Variants in ZNF25 observed in about 807,000 individuals in gnomAD.
The protein encoded by ZNF25 is zinc finger protein 25 (KOX 19).
A neutral mutation model predicts 30.9 loss-of-function variants in ZNF25; 21 were observed. That is an observed-to-expected ratio of 0.68 (90% CI 0.48 to 0.98). ZNF25 has a LOEUF of 0.98. Ranked by LOEUF, ZNF25 falls within the 50% of genes least tolerant of loss-of-function variation. ZNF25 has a pLI of 0.00. For synonymous variants in ZNF25, 169 were observed against 181.3 expected, an observed-to-expected ratio of 0.93 and a Z score of 0.55; for missense variants, 501 against 529.9, an observed-to-expected ratio of 0.95 and a Z score of 0.54.
At chr10:37,962,532 G>A (rs895358544) in intron 2 of ZNF25, among the ~76,000 whole-genome samples, 13 of 152,106 alleles carry the variant, frequency 8.5e-5, no homozygotes, top group Non-Finnish European at 1.8e-4. Flanking sequence ...AGACAAACTA[G>A]AATCAGTAAC....
intron 1 of ZNF25, among the ~76,000 whole-genome samples, chr10:37,974,657 T>C (rs1476560779): frequency 6.6e-6 from 1 of 152,194 alleles, no homozygotes; most frequent in Non-Finnish European, 1.5e-5. Flanking sequence ...TCATACAACC[T>C]TGGTGGCAAT....
chr10:37,976,570 C>A lies in ZNF25; in HGVS notation c.-150G>T, dbSNP rs1252186827. The A allele has an allele frequency of 2.0e-5, 3 of 152,674 alleles. No homozygotes were observed. The highest frequency in any genetic ancestry group is 4.8e-5 in the African/African-American group (2 of 41,478). 9.5% of individuals were successfully genotyped at this position (152,674 alleles called of 1,614,324 possible). On this transcript the variant is annotated 5_prime_UTR_variant, in exon 1 of 6. Transcript: ENST00000302609. ...CCAGGCCCCGCCCTTTGCGGCCCAG[C>A]CCAGACCCGGAGGCACCGGAGTCCT...
At position 37,949,691 on chromosome 10, in the gene ZNF25, G is replaced by A. The variant is rs2062045683; in HGVS notation, c.*2436C>T. ...TTTATAGATTACTAGTAATGTAGCT[G>A]ATGGAATTGGGTATTGTAAGTTTTT... On this transcript the variant is annotated 3_prime_UTR_variant, in exon 6 of 6. Coordinates refer to ENST00000302609, the MANE Select transcript of ZNF25 (RefSeq NM_145011.4). The A allele has an allele frequency of 1.3e-5, 2 of 152,376 alleles. No homozygotes were observed. The highest frequency in any genetic ancestry group is 1.3e-4 in the Admixed American group (2 of 15,278). 9.4% of individuals were successfully genotyped at this position (152,376 alleles called of 1,614,324 possible). A position where few individuals can be genotyped will look rare whatever the true frequency, so the allele number is the denominator to read the frequency against.
chr10:37,970,067 T>G (rs1305574962), intron 2 of ZNF25, among the ~76,000 whole-genome samples: 3 of 152,246 alleles, frequency 2.0e-5, no homozygotes, highest in East Asian at 3.9e-4. Context: ...GCTGGCATGT[T>G]GTAGCTTGAA....
intron 2 of ZNF25, among the ~76,000 whole-genome samples, chr10:37,959,916 T>TTTG (rs535023064): frequency 2.6e-5 from 4 of 151,694 alleles, no homozygotes; most frequent in Non-Finnish European, 4.4e-5. Flanking sequence ...AACCGGTTTT[T>TTTG]TTGTTGTTGT....
At chr10:37,973,733 C>T (rs2063634221) in intron 1 of ZNF25, among the ~76,000 whole-genome samples, 1 of 151,908 alleles carries the variant, frequency 6.6e-6, no homozygotes, top group African/African-American at 2.4e-5. Flanking sequence ...TAAATGCAAT[C>T]CATATCCAAA....
Position 37,975,372 on chromosome 10 carries a change from A to G in ZNF25, c.-86+1134T>C, listed in dbSNP as rs1257376087. Among the ~76,000 whole-genome samples, 14 of 128,468 alleles carry G rather than the reference A, an allele frequency of 1.1e-4. No individual in the cohort carries two copies. The East Asian group carries it at 3.2e-3, about 30-fold the overall frequency. The allele number at this position is 128,468 out of a possible 152,430, so 84.3% of individuals were successfully genotyped here. On this transcript the variant is annotated intron_variant, in intron 1 of 5. Coordinates refer to ENST00000302609, the MANE Select transcript of ZNF25 (RefSeq NM_145011.4). Reference sequence around the variant, plus strand: ...AAAATATCACATGTACCCCACAAATATGTACATTATGTACCAAAAAAAAAA... The same window carrying G: ...AAAATATCACATGTACCCCACAAATGTGTACATTATGTACCAAAAAAAAAA...
In ZNF25 at chr10:37,951,307, T is replaced by G. The variant is rs1364141960; in HGVS notation, c.*820A>C. Reference sequence around the variant, plus strand: ...TATATTATTTCGCTATGTACCATTATGGATGGATTCCACATGCACGCTGAA... The same window carrying G: ...TATATTATTTCGCTATGTACCATTAGGGATGGATTCCACATGCACGCTGAA... On this transcript the variant is annotated 3_prime_UTR_variant, in exon 6 of 6. Coordinates refer to ENST00000302609, the MANE Select transcript of ZNF25 (RefSeq NM_145011.4). 1 of 152,508 alleles carries G rather than the reference T, an allele frequency of 6.6e-6. No homozygotes were observed. The highest frequency in any genetic ancestry group is 1.5e-5 in the Non-Finnish European group (1 of 68,038). The allele number at this position is 152,508 out of a possible 1,614,324, so 9.4% of individuals were successfully genotyped here. A position where few individuals can be genotyped will look rare whatever the true frequency, so the allele number is the denominator to read the frequency against.
At chr10:37,954,799 C>T (rs957003196) in intron 4 of ZNF25, among the ~76,000 whole-genome samples, 1 of 152,098 alleles carries the variant, frequency 6.6e-6, no homozygotes, top group African/African-American at 2.4e-5. Context: ...GTGGGGAATA[C>T]ATAAGAAAAG....
intron 4 of ZNF25, 72 bp downstream of exon 4, chr10:37,956,933 AAGTGAGAGATTGCCG>A: frequency 6.2e-6 from 6 of 970,246 alleles, no homozygotes; most frequent in South Asian, 3.2e-5. Flanking sequence ...AAAAAAAAAA[AAGTGAGAGATTGCCG>A]AAAAGTACTT....
intron 2 of ZNF25, among the ~76,000 whole-genome samples, chr10:37,967,282 A>T (rs2063236368): frequency 6.6e-6 from 1 of 152,242 alleles, no homozygotes; most frequent in Non-Finnish European, 1.5e-5. Context: ...GAGGACTCAC[A>T]CTTCACAATT....
intron 2 of ZNF25, 106 bp from the exon 3 acceptor site, chr10:37,957,652 T>A: frequency 7.8e-7 from 1 of 1,285,650 alleles, no homozygotes. Flanking sequence ...AAGTTCATTC[T>A]GGAGAGTTAG....
Position 37,952,827 on chromosome 10 carries a change from T to C in ZNF25, c.671A>G (p.His224Arg). ...ACATTCAAAAGGTTTCTCCCCTGTG[T>C]GTGTTTTCTGATGTTCTGTGAGATG... The part of the protein sequence containing the change: ...KPHLTEHQKT[H>R]TGEKPFECTE... The change falls in exon 6 of 6, where the codon CAC (histidine) becomes CGC (arginine). Residue 224 changes from histidine to arginine, a missense_variant. His to Arg is a conservative substitution (Grantham distance 29). Coordinates refer to ENST00000302609, the MANE Select transcript of ZNF25 (RefSeq NM_145011.4). 1 of 1,614,154 alleles carries C rather than the reference T, an allele frequency of 6.2e-7. No individual in the cohort carries two copies. Among genetic ancestry groups the C allele is most frequent in the South Asian group, 1.1e-5 (1 of 91,082 alleles).
At position 37,952,985 on chromosome 10, in the gene ZNF25, A is replaced by C. The variant is rs1347499697; in HGVS notation, c.513T>G (p.Asp171Glu). 2 of 1,613,966 alleles carry C rather than the reference A, an allele frequency of 1.2e-6. No homozygotes were observed. Among genetic ancestry groups the C allele is most frequent in the East Asian group, 2.2e-5 (1 of 44,854 alleles). ...LIRHQKIHTR[D>E]KTYECKECKK... ...TACATTCTTTACACTCATAGGTTTT[A>C]TCTCTCGTGTGAATTTTCTGATGTC... The change falls in exon 6 of 6, where the codon GAT (aspartate) becomes GAG (glutamate). Residue 171 changes from aspartate to glutamate, a missense_variant. Transcript: ENST00000302609.
Position 37,957,519 on chromosome 10 carries a change from C to A in ZNF25, c.43G>T (p.Val15Leu), listed in dbSNP as rs766233640. Residue 15 changes from valine (V) to leucine (L), a missense_variant, in exon 3 of 6, where the codon GTG becomes TTG. Val to Leu is a conservative substitution (Grantham distance 32). Coordinates refer to ENST00000302609, the MANE Select transcript of ZNF25 (RefSeq NM_145011.4). ...QGPVTLKDVI[V>L]EFTKEEWKLL... ...TTCCATTCTTCCTTGGTGAATTCCA[C>A]AATAACATCCTTTAATGTCACGGGT... is the stretch of plus-strand genomic sequence containing the variant. 3.3e-5 allele frequency: 53 copies of A among 1,613,606 alleles called. No individual in the cohort carries two copies.
rs777562392 is a variant in ZNF25 at position 37,953,163 on chromosome 10, T to C, written c.335A>G (p.His112Arg). 1.9e-6 allele frequency: 3 copies of C among 1,592,210 alleles called. No individual in the cohort carries two copies. The highest frequency in any genetic ancestry group is 2.6e-6 in the Non-Finnish European group (3 of 1,174,166). The change falls in exon 6 of 6, where the codon CAT becomes CGT. Residue 112 changes from histidine to arginine, a missense_variant. Transcript: ENST00000302609. ...ACATTCACAGGCTTTCTCTGTGGTATGAGTTTTCTGATGTTTTGTGAGTTC... is the reference window on the plus strand; with the variant it reads ...ACATTCACAGGCTTTCTCTGTGGTACGAGTTTTCTGATGTTTTGTGAGTTC... The part of the protein sequence containing the change: ...NGELTKHQKT[H>R]TTEKACECKE...
chr10:37,976,179 C>T (rs550414513), intron 1 of ZNF25, among the ~76,000 whole-genome samples: 18 of 152,354 alleles, frequency 1.2e-4, no homozygotes, highest in Non-Finnish European at 2.4e-4. Context: ...CACCTACAGA[C>T]GCTGGACCAG....
chr10:37,962,397 T>C (rs1218644999), intron 2 of ZNF25, among the ~76,000 whole-genome samples: 1 of 152,208 alleles, frequency 6.6e-6, no homozygotes, highest in Non-Finnish European at 1.5e-5. Flanking sequence ...AAGATACTTC[T>C]AAATATGTTA....
intron 4 of ZNF25, among the ~76,000 whole-genome samples, chr10:37,956,812 G>C (rs1011137703): frequency 1.3e-5 from 2 of 151,932 alleles, no homozygotes; most frequent in Non-Finnish European, 2.9e-5. Flanking sequence ...CTACTCGGGA[G>C]GCTGAGGGAG....
Sources: allele counts gnomAD v4.1 joint callset (sites outside exome capture counted in the v4.1 genomes callset), GRCh38; gene constraint gnomAD v4.1.1; transcripts MANE v1.5; gene names NCBI Gene and HGNC (gene_info 2026-07-23, HGNC 2026-07-21).